The following KIAA1217 variants were observed in gnomAD, a reference collection of about 807,000 sequenced individuals.
KIAA1217 encodes the protein sickle tail protein homolog.
A neutral mutation model predicts 163.9 loss-of-function variants in KIAA1217; 88 were observed. That is an observed-to-expected ratio of 0.54 (90% CI 0.45 to 0.64). KIAA1217 has a LOEUF of 0.64. KIAA1217 is among the 30% of genes least tolerant of loss of function. The pLI is 0.00. For missense variants in KIAA1217, 2,372 were observed against 2,475.0 expected (o/e 0.96, Z 0.88); for synonymous variants, 903 against 923.1 (o/e 0.98, Z 0.39).
At chr10:23,741,854 G>T (rs1839133124) in intron 1 of KIAA1217, among the ~76,000 whole-genome samples, 1 of 152,200 alleles carries the variant, frequency 6.6e-6, no homozygotes, top group Non-Finnish European at 1.5e-5. Context: ...ACACTAAGAG[G>T]TGGCCTTGAA....
At chr10:23,995,738 T>C (rs541365928) in intron 1 of KIAA1217, among the ~76,000 whole-genome samples, 3 of 152,196 alleles carry the variant, frequency 2.0e-5, no homozygotes, top group South Asian at 4.1e-4. Context: ...AATGTCACTG[T>C]GTTATGAACC....
intron 1 of KIAA1217, among the ~76,000 whole-genome samples, chr10:23,983,066 G>C (rs1845836917): frequency 6.6e-6 from 1 of 152,052 alleles, no homozygotes; most frequent in African/African-American, 2.4e-5. Context: ...ACCAGGGCAT[G>C]TTCTATGCAT....
intron 1 of KIAA1217, among the ~76,000 whole-genome samples, chr10:24,215,303 G>A (rs1347143069): frequency 6.6e-6 from 1 of 152,174 alleles, no homozygotes; most frequent in Non-Finnish European, 1.5e-5. Flanking sequence ...GGAGGGGCAG[G>A]AAAGGGAAAC....
intron 1 of KIAA1217, among the ~76,000 whole-genome samples, chr10:23,909,841 T>C (rs116984389): frequency 0.017 from 2,660 of 152,298 alleles, 45 homozygotes; most frequent in Admixed American, 0.052. Flanking sequence ...ATGGTATTGC[T>C]AGTTCCAGAT....
chr10:24,251,635 C>G (rs962535260), intron 2 of KIAA1217, among the ~76,000 whole-genome samples: 2 of 152,054 alleles, frequency 1.3e-5, no homozygotes, highest in African/African-American at 4.8e-5. Context: ...GGGGCTCCCC[C>G]TCTCCATCCC....
At chr10:23,818,219 A>G (rs1465079555) in intron 1 of KIAA1217, among the ~76,000 whole-genome samples, 6 of 143,650 alleles carry the variant, frequency 4.2e-5, no homozygotes, top group African/African-American at 1.5e-4. Context: ...TTTTGCATCT[A>G]TAGGCAAAAC....
chr10:24,497,002 C>T (rs1284907939), intron 8 of KIAA1217, among the ~76,000 whole-genome samples: 1 of 152,222 alleles, frequency 6.6e-6, no homozygotes, highest in African/African-American at 2.4e-5. Flanking sequence ...CGTGGACTCA[C>T]TCCCCACGTC....
chr10:24,395,901 C>G lies in KIAA1217; in HGVS notation c.553+14834C>G, dbSNP rs559038885. On this transcript the variant is annotated intron_variant, in intron 3 of 20. Coordinates refer to ENST00000376454, the MANE Select transcript of KIAA1217 (RefSeq NM_019590.5). ...TCTCACGATTAGCCCAGGCTGGTCT[C>G]AAGCTTCAGGTGGTCATCTACCTCA... is the stretch of plus-strand genomic sequence containing the variant. 2.6e-5 allele frequency among the ~76,000 whole-genome samples: 4 copies of G among 152,224 alleles called. No individual in the cohort carries two copies. In the East Asian group the frequency reaches 5.8e-4, roughly 22 times the overall value.
intron 1 of KIAA1217, among the ~76,000 whole-genome samples, chr10:23,878,563 AG>A (rs1267280976): frequency 6.6e-6 from 1 of 151,974 alleles, no homozygotes; most frequent in Non-Finnish European, 1.5e-5. Flanking sequence ...TGAAAGATGT[AG>A]TGTGTCAGAT....
At chr10:24,317,285 A>C (rs898283454) in intron 2 of KIAA1217, among the ~76,000 whole-genome samples, 1 of 152,008 alleles carries the variant, frequency 6.6e-6, no homozygotes, top group Admixed American at 6.6e-5. Context: ...GTTACTTTTT[A>C]TTTATTTATT....
At chr10:24,527,381 G>A (rs1285797269) in intron 13 of KIAA1217, among the ~76,000 whole-genome samples, 1 of 146,854 alleles carries the variant, frequency 6.8e-6, no homozygotes, top group African/African-American at 2.5e-5. Context: ...GAGCCACCAT[G>A]CCCAGCCTAA....
At chr10:24,026,605 T>C (rs1235930344) in intron 2 of KIAA1217, among the ~76,000 whole-genome samples, 1 of 151,816 alleles carries the variant, frequency 6.6e-6, no homozygotes, top group Non-Finnish European at 1.5e-5. Flanking sequence ...ATTCCTGATA[T>C]TCATAATCTG....
At chr10:23,967,630 G>C (rs1298225760) in intron 1 of KIAA1217, among the ~76,000 whole-genome samples, 1 of 152,074 alleles carries the variant, frequency 6.6e-6, no homozygotes, top group Non-Finnish European at 1.5e-5. Context: ...CTACTGTGCT[G>C]GTAGAAGTGT....
At chr10:23,755,576 A>G (rs1833879605) in intron 1 of KIAA1217, among the ~76,000 whole-genome samples, 1 of 152,218 alleles carries the variant, frequency 6.6e-6, no homozygotes, top group African/African-American at 2.4e-5. Flanking sequence ...GGAGCAAAAT[A>G]CTTATAATTC....
At chr10:24,418,429 C>T (rs1253144502) in intron 3 of KIAA1217, among the ~76,000 whole-genome samples, 1 of 152,074 alleles carries the variant, frequency 6.6e-6, no homozygotes, top group East Asian at 1.9e-4. Flanking sequence ...TAATTTTTTC[C>T]CAATAGTAGA....
chr10:23,806,770 C>T (rs1159660273), intron 1 of KIAA1217, among the ~76,000 whole-genome samples: 3 of 152,190 alleles, frequency 2.0e-5, no homozygotes, highest in Non-Finnish European at 4.4e-5. Context: ...TTGCAATCAA[C>T]TCCTTTTTGC....
chr10:24,026,195 A>C (rs958485786), intron 2 of KIAA1217, among the ~76,000 whole-genome samples: 1 of 151,784 alleles, frequency 6.6e-6, no homozygotes, highest in Non-Finnish European at 1.5e-5. Flanking sequence ...AGACTTTTAC[A>C]TGTATGTTCA....
chr10:24,062,437 C>T lies in KIAA1217; in HGVS notation c.-171+55063C>T, dbSNP rs546930950. On this transcript the variant is annotated intron_variant, in intron 2 of 18. Coordinates refer to the KIAA1217 transcript ENST00000376462. Reference sequence around the variant, plus strand: ...GTTTGCTCAGAATGATGGTTTCCAGCTTCATCCATGTCCCTACAAAGGACA... The same window carrying T: ...GTTTGCTCAGAATGATGGTTTCCAGTTTCATCCATGTCCCTACAAAGGACA... 1.2e-3 allele frequency among the ~76,000 whole-genome samples: 180 copies of T among 151,756 alleles called. 1 individual carries two copies. The East Asian group carries it at 0.019, about 16-fold the overall frequency.
chr10:24,372,007 C>A (rs565859858), intron 2 of KIAA1217, among the ~76,000 whole-genome samples: 1 of 152,258 alleles, frequency 6.6e-6, no homozygotes, highest in African/African-American at 2.4e-5. Context: ...ACATTGGGTA[C>A]ACATGGGTAT....
Sources: gnomAD v4.1 joint callset for allele counts (sites outside exome capture counted in the v4.1 genomes callset) on GRCh38, gnomAD v4.1.1 for gene constraint, MANE v1.5 for transcripts, NCBI Gene and HGNC (gene_info 2026-07-23, HGNC 2026-07-21) for gene names.